Variants in NBAS observed in about 807,000 individuals in gnomAD.
NBAS encodes the protein NAG/BC035112 fusion.
A neutral mutation model predicts 302.5 loss-of-function variants in NBAS; 219 were observed. The observed-to-expected ratio is 0.72, with a 90% CI of 0.65 to 0.81. The LOEUF (loss-of-function observed/expected upper bound fraction) is 0.81, where lower values mean the gene tolerates loss of function less well. Among genes scored for constraint, NBAS ranks in the 30% least tolerant of loss-of-function variants. NBAS has a pLI of 0.00. For synonymous variants in NBAS, 1,118 were observed against 1,021.6 expected (o/e 1.09, Z -1.80); for missense variants, 2,932 against 2,841.6 (o/e 1.03, Z -0.72).
chr2:15,184,857 A>G (rs1224084757), intron 50 of NBAS, among the ~76,000 whole-genome samples: 3 of 152,242 alleles, frequency 2.0e-5, no homozygotes, highest in Non-Finnish European at 4.4e-5. Flanking sequence ...CAAAAGTTAC[A>G]GTAAAACCAA....
intron 16 of NBAS, among the ~76,000 whole-genome samples, chr2:15,469,901 G>T (rs1284085990): frequency 2.0e-5 from 3 of 151,600 alleles, no homozygotes; most frequent in Admixed American, 1.3e-4. Flanking sequence ...ACGAGTTAAT[G>T]GGTGCAGCAC....
the NBAS span, among the ~76,000 whole-genome samples, chr2:14,849,135 G>T: frequency 7.0e-6 from 1 of 142,150 alleles, no homozygotes; most frequent in Non-Finnish European, 1.5e-5. Flanking sequence ...TCTGAGCTAC[G>T]GGAGGACATT....
rs755299034 is a variant in NBAS, at chr2:15,276,948, A to T, written c.5292T>A (p.Thr1764=). 5.0e-6 allele frequency: 8 copies of T among 1,614,080 alleles called. 1 individual carries two copies. In the South Asian group the frequency reaches 7.7e-5, roughly 16 times the overall value. Residue 1764 remains threonine (T), a synonymous_variant, in exon 43 of 52, where the codon ACT becomes ACA. Transcript: ENST00000281513. The part of the protein sequence containing the change: ...FDHERLQYYF[T]LLENCGCADL... ...CTGCACAGCCACAGTTTTCCAGAAG[A>T]GTGAAATAATACTGCAGCCTTTCGT...
the NBAS span, among the ~76,000 whole-genome samples, chr2:14,882,105 G>A: frequency 1.4e-4 from 21 of 152,182 alleles, no homozygotes; most frequent in Admixed American, 1.2e-3. Context: ...CCCCAGACCC[G>A]ATTCTCCCCA....
At chr2:15,034,060 G>A in the NBAS span, among the ~76,000 whole-genome samples, 8 of 93,864 alleles carry the variant, frequency 8.5e-5, no homozygotes, top group South Asian at 3.6e-4. Context: ...AGGAGGAGGA[G>A]GAGGGGAAGG....
chr2:15,098,298 A>ATATATGATATATTGTATATATC, the NBAS span, among the ~76,000 whole-genome samples: 37 of 634 alleles, frequency 0.058, 13 homozygotes, highest in South Asian at 0.75. Context: ...TATTATATAC[A>ATATATGATATATTGTATATATC]ATATATAATA....
At chr2:15,079,562 C>T in the NBAS span, among the ~76,000 whole-genome samples, 1 of 152,166 alleles carries the variant, frequency 6.6e-6, no homozygotes, top group Admixed American at 6.5e-5. Context: ...CTCTTGCCAT[C>T]ACCCCTGCTG....
the NBAS span, among the ~76,000 whole-genome samples, chr2:14,842,945 C>A: frequency 1.4e-4 from 21 of 150,456 alleles, no homozygotes; most frequent in African/African-American, 4.6e-4. Flanking sequence ...AACTCAACAA[C>A]CCATTAAAAA....
At chr2:15,551,431 A>G in intron 6 of NBAS, 62 bp downstream of exon 6, 1 of 1,105,324 alleles carries the variant, frequency 9.0e-7, no homozygotes, top group Non-Finnish European at 1.3e-6. Flanking sequence ...AACTTTTAAG[A>G]AACATTGGAA....
the NBAS span, among the ~76,000 whole-genome samples, chr2:14,964,372 A>G: frequency 1.6e-4 from 25 of 152,334 alleles, no homozygotes; most frequent in East Asian, 4.8e-3. Flanking sequence ...AGATAAAAAA[A>G]TACACTGGAT....
chr2:15,012,768 G>A, the NBAS span, among the ~76,000 whole-genome samples: 35 of 151,838 alleles, frequency 2.3e-4, no homozygotes, highest in African/African-American at 8.0e-4. Flanking sequence ...GAAAGAAAAA[G>A]AAAACTGTCA....
At chr2:15,374,478 C>A in intron 31 of NBAS, 130 bp downstream of exon 31, 1 of 776,914 alleles carries the variant, frequency 1.3e-6, no homozygotes, top group Non-Finnish European at 2.2e-6. Flanking sequence ...AATAATGGGT[C>A]AAGGGCAGGA....
intron 8 of NBAS, among the ~76,000 whole-genome samples, chr2:15,535,074 T>C (rs777284649): frequency 6.6e-6 from 1 of 152,312 alleles, no homozygotes; most frequent in Non-Finnish European, 1.5e-5. Context: ...TAGTGATGTA[T>C]GTAAAAATGT....
chr2:14,862,836 G>T, the NBAS span, among the ~76,000 whole-genome samples: 123 of 152,304 alleles, frequency 8.1e-4, no homozygotes, highest in African/African-American at 2.6e-3. Context: ...AGCCTTGGTG[G>T]TCGGGCAGCC....
At chr2:15,524,628 C>T (rs182726395) in intron 9 of NBAS, among the ~76,000 whole-genome samples, 39 of 152,180 alleles carry the variant, frequency 2.6e-4, no homozygotes, top group Admixed American at 1.3e-3. Flanking sequence ...AGGGAGACGA[C>T]AACCAAATGA....
chr2:14,962,991 G>T, the NBAS span, among the ~76,000 whole-genome samples: 1 of 151,996 alleles, frequency 6.6e-6, no homozygotes, highest in Non-Finnish European at 1.5e-5. Flanking sequence ...GTTCCAGGTC[G>T]GGAGCGGTGG....
At chr2:15,238,424 TATACTGATACA>T (rs779072642) in intron 45 of NBAS, 33 bp downstream of exon 45, 1 of 1,572,210 alleles carries the variant, frequency 6.4e-7, no homozygotes, top group Non-Finnish European at 8.7e-7. Context: ...AAAGAAAGAA[TATACTGATACA>T]GAGTGAGCAT....
chr2:14,935,242 G>A, the NBAS span, among the ~76,000 whole-genome samples: 1 of 151,986 alleles, frequency 6.6e-6, no homozygotes, highest in East Asian at 1.9e-4. Context: ...TTACATGCGG[G>A]ACCTTATCTC....
chr2:15,130,099 G>A, the NBAS span, among the ~76,000 whole-genome samples: 50 of 152,284 alleles, frequency 3.3e-4, no homozygotes, highest in African/African-American at 1.1e-3. Context: ...GCCTTTGTCA[G>A]TACAGATTTG....
Sources: gnomAD v4.1 joint callset for allele counts (sites outside exome capture counted in the v4.1 genomes callset) on GRCh38, gnomAD v4.1.1 for gene constraint, MANE v1.5 for transcripts, NCBI Gene and HGNC (gene_info 2026-07-23, HGNC 2026-07-21) for gene names.